The following RAB3A variants were observed in gnomAD, a reference collection of about 807,000 sequenced individuals.
RAB3A encodes RAB3A, member RAS oncogene family, also known as ras-related protein Rab-3A.
Under a neutral mutation model 19.7 loss-of-function variants are expected in RAB3A, and 5 were observed. The observed-to-expected ratio is 0.25, with a 90% CI of 0.13 to 0.53. The LOEUF (loss-of-function observed/expected upper bound fraction) is 0.53, where lower values mean the gene tolerates loss of function less well. Among genes scored for constraint, RAB3A ranks in the 20% least tolerant of loss-of-function variants. The pLI is 0.95. For synonymous variants in RAB3A, 119 were observed against 122.1 expected, an observed-to-expected ratio of 0.97 and a Z score of 0.17; for missense variants, 189 against 305.6, an observed-to-expected ratio of 0.62 and a Z score of 2.85.
At position 18,197,359 on chromosome 19, in the gene RAB3A, A is replaced by G; in HGVS notation, c.*111T>C. 1 of 954,282 alleles carries G rather than the reference A, an allele frequency of 1.0e-6. No homozygotes were observed. The highest frequency in any genetic ancestry group is 1.6e-6 in the Non-Finnish European group (1 of 638,190). 59.1% of individuals were successfully genotyped at this position (954,282 alleles called of 1,614,324 possible). A position where few individuals can be genotyped will look rare whatever the true frequency, so the allele number is the denominator to read the frequency against. On this transcript the variant is annotated 3_prime_UTR_variant, in exon 5 of 5. Transcript: ENST00000222256. The stretch of plus-strand genomic sequence containing the variant: ...CAATAATAAATAAGGGTGACGGGCT[A>G]AGTCAGGAGCAGGGGTCTTGTGCCC...
rs770289807 is a variant in RAB3A, at chr19:18,200,396, C to T, written c.278G>A (p.Arg93Gln). Residue 93 changes from arginine (R) to glutamine (Q), a missense_variant, in exon 3 of 5, where the codon CGG becomes CAG. Physicochemically the swap from Arg to Gln is conservative, Grantham distance 43 (BLOSUM62 1). Transcript: ENST00000222256. ...CATGAGGATGAAGCCCATAGCGCCCCGGTAGTATGCGGTGGTGATGGTCCG... is the reference window on the plus strand; with the variant it reads ...CATGAGGATGAAGCCCATAGCGCCCTGGTAGTATGCGGTGGTGATGGTCCG... Reference protein sequence around the residue: ...RYRTITTAYYRGAMGFILMYD... With the variant: ...RYRTITTAYYQGAMGFILMYD... 5 of 1,613,926 alleles carry T rather than the reference C, an allele frequency of 3.1e-6. No individual in the cohort carries two copies. The highest frequency in any genetic ancestry group is 1.3e-5 in the African/African-American group (1 of 74,904).
rs1967593356 is a variant in RAB3A at position 18,200,514 on chromosome 19, A to G, written c.229-69T>C. The stretch of plus-strand genomic sequence containing the variant: ...GCCCTCGAAGAGGAAATGAGCTCTG[A>G]TATCATCCAGTTCAGCCCCCTGGGA... On this transcript the variant is annotated intron_variant, in intron 2 of 4. Coordinates refer to ENST00000222256, the MANE Select transcript of RAB3A (RefSeq NM_002866.5). 1.5e-6 allele frequency: 2 copies of G among 1,318,308 alleles called. 1 individual carries two copies. Among genetic ancestry groups the G allele is most frequent in the South Asian group, 2.6e-5 (2 of 76,250 alleles). The allele number at this position is 1,318,308 out of a possible 1,614,324, so 81.7% of individuals were successfully genotyped here.
chr19:18,200,631 G>C (rs1967595599), intron 2 of RAB3A, among the ~76,000 whole-genome samples, 186 bp from the exon 3 acceptor site: 1 of 151,568 alleles, frequency 6.6e-6, no homozygotes, highest in Non-Finnish European at 1.5e-5. Context: ...TTATTCCACA[G>C]AGTCATTCAC....
intron 1 of RAB3A, among the ~76,000 whole-genome samples, chr19:18,203,578 T>A (rs1967643824): frequency 6.6e-6 from 1 of 151,990 alleles, no homozygotes; most frequent in African/African-American, 2.4e-5. Context: ...ACAGACCCGC[T>A]GACACAGGCA....
intron 2 of RAB3A, among the ~76,000 whole-genome samples, chr19:18,200,931 T>A (rs1164157905): frequency 6.9e-6 from 1 of 145,602 alleles, no homozygotes; most frequent in Admixed American, 6.9e-5. Flanking sequence ...TGAAACCCTG[T>A]CTCAAAAAAC....
At chr19:18,198,033 G>A (rs547977989) in intron 4 of RAB3A, among the ~76,000 whole-genome samples, 9 of 151,880 alleles carry the variant, frequency 5.9e-5, no homozygotes, top group African/African-American at 1.2e-4. Flanking sequence ...GTGAGCCAGC[G>A]CACCTGGCCT....
rs949723795 is a variant in RAB3A at position 18,202,431 on chromosome 19, A to C, written c.228+82T>G. 7.0e-6 allele frequency: 9 copies of C among 1,276,830 alleles called. No homozygotes were observed. In the Admixed American group the frequency reaches 1.1e-4, roughly 15 times the overall value. 79.1% of individuals were successfully genotyped at this position (1,276,830 alleles called of 1,614,324 possible). Reference sequence around the variant, plus strand: ...TGTAAGTGAATGACTCCAGTCAGGAAAGAGATAGACGAGGTTGGGGCTGCT... The same window carrying C: ...TGTAAGTGAATGACTCCAGTCAGGACAGAGATAGACGAGGTTGGGGCTGCT... On this transcript the variant is annotated intron_variant, in intron 2 of 4. Coordinates refer to ENST00000222256, the MANE Select transcript of RAB3A (RefSeq NM_002866.5). This position sits in a 1 kb window ranked among gnomAD's most constrained non-coding sequence, Gnocchi z 4.2.
In RAB3A at chr19:18,202,529, A is replaced by C; in HGVS notation, c.212T>G (p.Ile71Ser). ...GGGACCCACCCAGATCTGCAGCTTGATCCTCTTGTCGTTGCGATAGATGGT... is the reference window on the plus strand; with the variant it reads ...GGGACCCACCCAGATCTGCAGCTTGCTCCTCTTGTCGTTGCGATAGATGGT... ...VKTIYRNDKR[I>S]KLQIWDTAGQ... Residue 71 changes from isoleucine (I) to serine (S), a missense_variant, in exon 2 of 5, where the codon ATC becomes AGC. By Grantham distance (142) the Ile-to-Ser change is moderately radical (BLOSUM62 -2). Transcript: ENST00000222256. This position sits in a 1 kb window ranked among gnomAD's most constrained non-coding sequence, Gnocchi z 4.2. 3 of 1,614,048 alleles carry C rather than the reference A, an allele frequency of 1.9e-6. No individual in the cohort carries two copies. The highest frequency in any genetic ancestry group is 2.5e-6 in the Non-Finnish European group (3 of 1,179,970).
rs775523326 is a variant in RAB3A, at chr19:18,197,686, G to T, written c.473-26C>A. 3.8e-6 allele frequency: 6 copies of T among 1,587,066 alleles called. No homozygotes were observed. In the South Asian group the frequency reaches 4.5e-5, roughly 12 times the overall value. ...CTGTGGTCAGAGAAGGCAGGGATGA[G>T]GACCCTGGCCACGCCCTATGCCAAC... is the stretch of plus-strand genomic sequence containing the variant. On this transcript the variant is annotated intron_variant, in intron 4 of 4. Transcript: ENST00000222256.
chr19:18,197,308 A>C lies in RAB3A; in HGVS notation c.*162T>G. On this transcript the variant is annotated 3_prime_UTR_variant, in exon 5 of 5. Transcript: ENST00000222256. The stretch of plus-strand genomic sequence containing the variant: ...AGGGGAGCCTGGGCCCCTGGGGGAC[A>C]TCTTCAATAAATAAATAAATAGCTA... 3 of 681,146 alleles carry C rather than the reference A, an allele frequency of 4.4e-6. No homozygotes were observed. The highest frequency in any genetic ancestry group is 7.1e-6 in the Non-Finnish European group (3 of 422,164). 42.2% of individuals were successfully genotyped at this position (681,146 alleles called of 1,614,324 possible).
chr19:18,201,192 G>A lies in RAB3A; in HGVS notation c.229-747C>T, dbSNP rs547284970. ...AGAGGTTGCAGTGAGCCGAGATCGCGCCATTGCACTCCACCCTGGGTGACA... is the reference window on the plus strand; with the variant it reads ...AGAGGTTGCAGTGAGCCGAGATCGCACCATTGCACTCCACCCTGGGTGACA... On this transcript the variant is annotated intron_variant, in intron 2 of 4. Transcript: ENST00000222256. Among the ~76,000 whole-genome samples the A allele has an allele frequency of 4.8e-4, 68 of 141,926 alleles. No homozygotes were observed. The South Asian group carries it at 0.011, about 22-fold the overall frequency. The allele number at this position is 141,926 out of a possible 152,430, so 93.1% of individuals were successfully genotyped here. A position where few individuals can be genotyped will look rare whatever the true frequency, so the allele number is the denominator to read the frequency against.
intron 1 of RAB3A, among the ~76,000 whole-genome samples, chr19:18,203,081 T>A (rs1415044035): frequency 6.6e-6 from 1 of 152,104 alleles, no homozygotes; most frequent in Non-Finnish European, 1.5e-5. Flanking sequence ...CCATCAATCT[T>A]TCATGGTCCT....
At chr19:18,200,237 C>T (rs982916770) in intron 3 of RAB3A, 90 bp downstream of exon 3, 43 of 1,078,318 alleles carry the variant, frequency 4.0e-5, no homozygotes, top group Non-Finnish European at 5.4e-5. Flanking sequence ...GAGCCCTGAT[C>T]GTGCCACTGC....
chr19:18,203,371 T>C (rs1278255196), intron 1 of RAB3A, among the ~76,000 whole-genome samples: 1 of 152,142 alleles, frequency 6.6e-6, no homozygotes, highest in East Asian at 1.9e-4. Flanking sequence ...AAACCACCCG[T>C]GCGCACAGGC....
At chr19:18,200,745 A>T (rs1967597441) in intron 2 of RAB3A, among the ~76,000 whole-genome samples, 1 of 151,568 alleles carries the variant, frequency 6.6e-6, no homozygotes, top group African/African-American at 2.4e-5. Flanking sequence ...GACCAGCCTG[A>T]GCAACATAGC....
In RAB3A at chr19:18,201,260, A is replaced by AG. The variant is rs1417912470; in HGVS notation, c.229-816_229-815insC. Among the ~76,000 whole-genome samples, 583 of 72,510 alleles carry AG rather than the reference A, an allele frequency of 8.0e-3. 1 individual carries two copies. The highest frequency in any genetic ancestry group is 0.031 in the East Asian group (34 of 1,094). The allele number at this position is 72,510 out of a possible 152,430, so 47.6% of individuals were successfully genotyped here. On this transcript the variant is annotated intron_variant, in intron 2 of 4. Transcript: ENST00000222256. ...CAAAACAATAACAACAAAAAAAAAA[A>AG]AAAAAAGAAAGAAAGAAAGAAAGAA...
At chr19:18,201,053 G>A (rs978699625) in intron 2 of RAB3A, among the ~76,000 whole-genome samples, 29 of 151,684 alleles carry the variant, frequency 1.9e-4, no homozygotes, top group African/African-American at 6.8e-4. Flanking sequence ...TGGCCAACAT[G>A]GTGAAACTCT....
rs774139032 is a variant in RAB3A, at chr19:18,197,573, ATCT to A, written c.557_559del (p.Lys186del). 5.0e-6 allele frequency: 8 copies of A among 1,614,044 alleles called. No individual in the cohort carries two copies. The highest frequency in any genetic ancestry group is 1.1e-5 in the South Asian group (1 of 91,084). On this transcript the variant is annotated inframe_deletion, in exon 5 of 5. Coordinates refer to ENST00000222256, the MANE Select transcript of RAB3A (RefSeq NM_002866.5). Reference sequence around the variant, plus strand: ...GTCCGCCGTGTCCAACGACTCGGACATCTTCTCGCAGATGACATCCACCAGGCG... The same window carrying A: ...GTCCGCCGTGTCCAACGACTCGGACATCTCGCAGATGACATCCACCAGGCG...
At chr19:18,198,693 C>T in intron 4 of RAB3A, 32 bp downstream of exon 4, 3 of 1,612,848 alleles carry the variant, frequency 1.9e-6, no homozygotes, top group Non-Finnish European at 1.7e-6. Context: ...TTTTTCTAGA[C>T]TTGTGGGTCT....
Sources: allele counts gnomAD v4.1 joint callset (sites outside exome capture counted in the v4.1 genomes callset), GRCh38; gene constraint gnomAD v4.1.1; non-coding constraint Gnocchi (gnomAD v3.1); transcripts MANE v1.5; gene names NCBI Gene and HGNC (gene_info 2026-07-23, HGNC 2026-07-21).